Variants in PEX1 observed in about 807,000 individuals in gnomAD.
The protein encoded by PEX1 is peroxisomal ATPase PEX1.
PEX1 carries 97 observed loss-of-function variants against 152.5 expected under a neutral mutation model. That is an observed-to-expected ratio of 0.64 (90% CI 0.54 to 0.75). The LOEUF (loss-of-function observed/expected upper bound fraction) is 0.75. Among genes scored for constraint, PEX1 ranks in the 30% least tolerant of loss-of-function variants. The pLI, the probability that PEX1 is intolerant of heterozygous loss-of-function variation, is 0.00. For synonymous variants in PEX1, 485 were observed against 531.6 expected (o/e 0.91, Z 1.21); for missense variants, 1,357 against 1,516.3 (o/e 0.89, Z 1.74).
intron 19 of PEX1, chr7:92,493,792 C>G (rs137875905): frequency 2.9e-5 from 5 of 172,782 alleles, no homozygotes; most frequent in Admixed American, 1.1e-4. Context: ...AACATATATA[C>G]AGATACTTTA....
rs886062501 is a variant in PEX1, at chr7:92,489,723, G to A, written c.3627C>T (p.Ser1209=). The A allele has an allele frequency of 6.2e-7, 1 of 1,613,648 alleles. No homozygotes were observed. The highest frequency in any genetic ancestry group is 8.5e-7 in the Non-Finnish European group (1 of 1,179,562). The change falls in exon 22 of 24, where the codon AGC becomes AGT. Residue 1209 remains serine, a synonymous_variant. Transcript: ENST00000248633. Reference sequence around the variant, plus strand: ...GGGGAAAAAGCCATACTCCACTTTGGCTCCGGTATCTGCCTTTGATAATAC... The same window carrying A: ...GGGGAAAAAGCCATACTCCACTTTGACTCCGGTATCTGCCTTTGATAATAC... ...DISIIKGRYR[S]QSGEDESMNQ...
intron 2 of PEX1, 67 bp from the exon 3 acceptor site, chr7:92,519,145 G>C (rs1792942412): frequency 1.1e-6 from 1 of 870,544 alleles, no homozygotes; most frequent in East Asian, 2.6e-5. Flanking sequence ...TAGAAAATAA[G>C]AAGTTATCTT....
At chr7:92,494,027 A>G (rs1791510136) in intron 19 of PEX1, 4 of 399,304 alleles carry the variant, frequency 1.0e-5, no homozygotes, top group South Asian at 7.3e-5. Flanking sequence ...ATAATGTGAA[A>G]ATATAATACA....
chr7:92,518,245 G>A lies in PEX1; in HGVS notation c.368C>T (p.Ala123Val). ...TAGAAGATGTTGTTCAAGGGAAACA[G>A]CATGCAGCTCCTAGAACCAACAGAC... ...ADDWEILELH[A>V]VSLEQHLLDQ... Residue 123 changes from alanine (A) to valine (V), a missense_variant, in exon 4 of 24, where the codon GCT becomes GTT. Transcript: ENST00000248633. 1 of 1,600,138 alleles carries A rather than the reference G, an allele frequency of 6.2e-7. No individual in the cohort carries two copies. The highest frequency in any genetic ancestry group is 8.6e-7 in the Non-Finnish European group (1 of 1,167,324).
intron 1 of PEX1, among the ~76,000 whole-genome samples, chr7:92,524,604 G>A (rs982033489): frequency 6.6e-6 from 1 of 152,072 alleles, no homozygotes; most frequent in East Asian, 1.9e-4. Context: ...AAACAATGTT[G>A]GAGCCACTTC....
chr7:92,510,370 G>A (rs1345397124), intron 8 of PEX1, among the ~76,000 whole-genome samples: 2 of 151,564 alleles, frequency 1.3e-5, no homozygotes, highest in East Asian at 1.9e-4. Flanking sequence ...GGAGGCTGAG[G>A]TGGGAGAATC....
At chr7:92,515,425 T>C (rs1261172541) in intron 5 of PEX1, among the ~76,000 whole-genome samples, 1 of 152,120 alleles carries the variant, frequency 6.6e-6, no homozygotes, top group Non-Finnish European at 1.5e-5. Flanking sequence ...TCAAGCCAAG[T>C]CCATTTTAGT....
At chr7:92,496,974 T>A (rs1791683663) in intron 16 of PEX1, among the ~76,000 whole-genome samples, 197 bp from the exon 17 acceptor site, 1 of 152,198 alleles carries the variant, frequency 6.6e-6, no homozygotes, top group African/African-American at 2.4e-5. Flanking sequence ...CCAGAACATT[T>A]TCCCCCGGAT....
In PEX1 at chr7:92,518,268, GACGAAA is replaced by G. The variant is rs1562867448; in HGVS notation, c.358-19_358-14del. 6 of 1,473,608 alleles carry G rather than the reference GACGAAA, an allele frequency of 4.1e-6. No homozygotes were observed. In the African/African-American group the frequency reaches 6.9e-5, roughly 17 times the overall value. The allele number at this position is 1,473,608 out of a possible 1,614,324, so 91.3% of individuals were successfully genotyped here. A position where few individuals can be genotyped will look rare whatever the true frequency, so the allele number is the denominator to read the frequency against. On this transcript the variant is annotated splice_polypyrimidine_tract_variant and intron_variant, in intron 3 of 23. Coordinates refer to ENST00000248633, the MANE Select transcript of PEX1 (RefSeq NM_000466.3). ...CAGCATGCAGCTCCTAGAACCAACAGACGAAAAGATCAATTCACTTTACATTTTGTC... is the reference window on the plus strand; with the variant it reads ...CAGCATGCAGCTCCTAGAACCAACAGAGATCAATTCACTTTACATTTTGTC...
At chr7:92,510,338 C>T (rs777197635) in intron 8 of PEX1, among the ~76,000 whole-genome samples, 2 of 151,778 alleles carry the variant, frequency 1.3e-5, no homozygotes, top group African/African-American at 2.4e-5. Flanking sequence ...TCATGGCATT[C>T]GCCTGTGGTC....
Position 92,487,542 on chromosome 7 carries a change from C to T in PEX1, c.3768-1G>A, listed in dbSNP as rs770868309. The T allele has an allele frequency of 6.7e-7, 1 of 1,487,932 alleles. No individual in the cohort carries two copies. Among genetic ancestry groups the T allele is most frequent in the South Asian group, 1.2e-5 (1 of 86,000 alleles). The allele number at this position is 1,487,932 out of a possible 1,614,324, so 92.2% of individuals were successfully genotyped here. A position where few individuals can be genotyped will look rare whatever the true frequency, so the allele number is the denominator to read the frequency against. On this transcript the variant is annotated splice_acceptor_variant, in intron 23 of 23. Coordinates refer to ENST00000248633, the MANE Select transcript of PEX1 (RefSeq NM_000466.3). LOFTEE classifies it high-confidence loss of function. ...CTTTGGATTTTGAAAGCTTTCATAT[C>T]TGAAAAAAGAAAGAGATAATTTAAT...
At chr7:92,489,511 T>C in intron 22 of PEX1, 88 bp from the exon 23 acceptor site, 3 of 1,241,336 alleles carry the variant, frequency 2.4e-6, no homozygotes, top group Non-Finnish European at 3.5e-6. Flanking sequence ...TATTGTCAGT[T>C]TTTTCAAGAG....
In PEX1 at chr7:92,494,107, C is replaced by G; in HGVS notation, c.3030+186G>C. ...GGATTACAAAGTTTTCAGACTTGCA[C>G]TGGGCCAAAAAAAGGCTTTGCATCT... is the stretch of plus-strand genomic sequence containing the variant. On this transcript the variant is annotated intron_variant, in intron 19 of 23. Coordinates refer to ENST00000248633, the MANE Select transcript of PEX1 (RefSeq NM_000466.3). The G allele has an allele frequency of 8.5e-6, 5 of 588,446 alleles. No individual in the cohort carries two copies. The South Asian group carries it at 9.8e-5, about 11-fold the overall frequency. 36.5% of individuals were successfully genotyped at this position (588,446 alleles called of 1,614,324 possible).
intron 7 of PEX1, 56 bp downstream of exon 7, chr7:92,511,524 T>G (rs1792465865): frequency 1.4e-6 from 2 of 1,396,798 alleles, no homozygotes; most frequent in Non-Finnish European, 2.0e-6. Context: ...CAAGAACAAT[T>G]AAAAATGTAC....
At chr7:92,494,108 T>C in intron 19 of PEX1, 185 bp downstream of exon 19, 1 of 592,642 alleles carries the variant, frequency 1.7e-6, no homozygotes, top group Non-Finnish European at 3.0e-6. Context: ...AGACTTGCAC[T>C]GGGCCAAAAA....
chr7:92,504,895 C>T lies in PEX1; in HGVS notation c.1908G>A (p.Arg636=). Residue 636 remains arginine, a synonymous_variant, in exon 12 of 24, where the codon AGG becomes AGA. Coordinates refer to ENST00000248633, the MANE Select transcript of PEX1 (RefSeq NM_000466.3). ...RVDCKALRGK[R]LENIQKTLEV... Reference sequence around the variant, plus strand: ...CTAGGGTTTTTTGTATGTTTTCAAGCCTTTTTCCTTAATACAGAAGATATG... The same window carrying T: ...CTAGGGTTTTTTGTATGTTTTCAAGTCTTTTTCCTTAATACAGAAGATATG... The T allele has an allele frequency of 6.2e-7, 1 of 1,612,060 alleles. No individual in the cohort carries two copies.
At chr7:92,490,815 A>C (rs1471764566) in intron 21 of PEX1, among the ~76,000 whole-genome samples, 1 of 152,200 alleles carries the variant, frequency 6.6e-6, no homozygotes, top group Non-Finnish European at 1.5e-5. Context: ...ACATTTAATC[A>C]AAACACTTTC....
chr7:92,509,602 C>T (rs1253888868), intron 8 of PEX1, among the ~76,000 whole-genome samples, 191 bp from the exon 9 acceptor site: 1 of 152,132 alleles, frequency 6.6e-6, no homozygotes, highest in Non-Finnish European at 1.5e-5. Context: ...TTATGGTCAA[C>T]AAGCAGAAAG....
At chr7:92,520,386 T>A (rs980807895) in intron 2 of PEX1, among the ~76,000 whole-genome samples, 68 of 152,160 alleles carry the variant, frequency 4.5e-4, no homozygotes, top group Non-Finnish European at 5.9e-5. Context: ...AGTGTTAGGT[T>A]TACAGATTTC....
Sources: allele counts gnomAD v4.1 joint callset (sites outside exome capture counted in the v4.1 genomes callset), GRCh38; gene constraint gnomAD v4.1.1; transcripts MANE v1.5; gene names NCBI Gene and HGNC (gene_info 2026-07-23, HGNC 2026-07-21).